The following NUDT7 variants were observed in gnomAD, a reference collection of about 807,000 sequenced individuals.
The protein encoded by NUDT7 is nudix hydrolase 7.
A neutral mutation model predicts 13.1 loss-of-function variants in NUDT7; 19 were observed. That is an observed-to-expected ratio of 1.45 (90% confidence interval 1.01 to 2.13). The LOEUF is 2.13. Ranked by LOEUF, NUDT7 falls within the 30% of genes most tolerant of loss-of-function variation. The probability of loss-of-function intolerance (pLI) is 0.00; values close to 1 mark genes in which losing one functional copy is unlikely to be tolerated. For missense variants in NUDT7, 360 were observed against 291.7 expected (o/e 1.23, Z -1.71); for synonymous variants, 132 against 109.7 (o/e 1.20, Z -1.27).
chr16:77,736,841 G>C (rs555740682), intron 3 of NUDT7: 2 of 155,842 alleles, frequency 1.3e-5, no homozygotes, highest in African/African-American at 4.8e-5. Flanking sequence ...GGTAAATATT[G>C]TATTAAGAAG....
At chr16:77,724,566 G>C (rs7192847) in intron 1 of NUDT7, among the ~76,000 whole-genome samples, 24,726 of 152,072 alleles carry the variant, frequency 0.16, 2,797 homozygotes, top group African/African-American at 0.32. Context: ...CCGCTGCACT[G>C]GGCTCGTTTC....
intron 2 of NUDT7, among the ~76,000 whole-genome samples, chr16:77,726,045 G>A (rs1412824091): frequency 3.3e-5 from 5 of 152,104 alleles, no homozygotes; most frequent in Admixed American, 3.3e-4. Flanking sequence ...CAGGATTGGG[G>A]GTGCCAAATT....
At chr16:77,722,722 G>C (rs941020342) in intron 1 of NUDT7, 105 bp downstream of exon 1, 13 of 1,078,054 alleles carry the variant, frequency 1.2e-5, no homozygotes, top group African/African-American at 1.5e-5. Flanking sequence ...TGCAGCTCCC[G>C]CCAGTCCACC....
chr16:77,722,576 C>G lies in NUDT7; in HGVS notation c.-7C>G, dbSNP rs545982146. 2 of 1,588,530 alleles carry G rather than the reference C, an allele frequency of 1.3e-6. No individual in the cohort carries two copies. The highest frequency in any genetic ancestry group is 8.6e-7 in the Non-Finnish European group (1 of 1,166,740). On this transcript the variant is annotated 5_prime_UTR_variant, in exon 1 of 4. Transcript: ENST00000268533. ...AGTCCGCCCGGAAACAAACATTCCC[C>G]AGGGCAATGTCACGACTTGGTCTTC... is the stretch of plus-strand genomic sequence containing the variant.
intron 2 of NUDT7, among the ~76,000 whole-genome samples, chr16:77,729,990 T>C (rs908966184): frequency 6.6e-6 from 1 of 151,782 alleles, no homozygotes; most frequent in Non-Finnish European, 1.5e-5. Context: ...TTACCTCACA[T>C]AGTAACATAT....
intron 2 of NUDT7, among the ~76,000 whole-genome samples, chr16:77,732,910 T>C (rs1238737245): frequency 6.6e-6 from 1 of 152,206 alleles, no homozygotes; most frequent in Non-Finnish European, 1.5e-5. Flanking sequence ...TAAAGCACTG[T>C]TTCAGAGTTG....
At chr16:77,734,245 C>T (rs1432061107) in intron 2 of NUDT7, among the ~76,000 whole-genome samples, 10 of 152,068 alleles carry the variant, frequency 6.6e-5, no homozygotes, top group Non-Finnish European at 1.3e-4. Flanking sequence ...GTTTATATTC[C>T]AGCTCACTGA....
chr16:77,724,562 C>T lies in NUDT7; in HGVS notation c.36-869C>T, dbSNP rs1284095988. On this transcript the variant is annotated intron_variant, in intron 1 of 3. Transcript: ENST00000268533. ...TTGGGATTACAGGCGTGAGCCGCTG[C>T]ACTGGGCTCGTTTCTGCTTCTTATC... 8.5e-5 allele frequency among the ~76,000 whole-genome samples: 13 copies of T among 152,304 alleles called. No individual in the cohort carries two copies. In the South Asian group the frequency reaches 1.2e-3, roughly 15 times the overall value.
At position 77,725,558 on chromosome 16, in the gene NUDT7, T is replaced by C; in HGVS notation, c.163T>C (p.Leu55=). The C allele has an allele frequency of 1.2e-6, 2 of 1,614,062 alleles. No homozygotes were observed. The highest frequency in any genetic ancestry group is 1.7e-6 in the Non-Finnish European group (2 of 1,180,004). Residue 55 remains leucine (L), a synonymous_variant, in exon 2 of 4, where the codon TTG becomes CTG. Coordinates refer to ENST00000268533, the MANE Select transcript of NUDT7 (RefSeq NM_001105663.3). ...GGTGGCTAAAGAAGGAAAACTCCAT[T>C]TGTTGTTCACCGTCCGGTCAGAGAA... ...PLVAKEGKLH[L]LFTVRSEKLR...
chr16:77,730,885 C>T (rs1481877677), intron 2 of NUDT7, among the ~76,000 whole-genome samples: 1 of 151,388 alleles, frequency 6.6e-6, no homozygotes, highest in Non-Finnish European at 1.5e-5. Context: ...TTTTCATATA[C>T]CTTTTGAGAA....
chr16:77,724,484 G>C (rs1457315946), intron 1 of NUDT7, among the ~76,000 whole-genome samples: 1 of 151,730 alleles, frequency 6.6e-6, no homozygotes, highest in African/African-American at 2.4e-5. Context: ...TGTTGACCAG[G>C]CTGGTTTCAA....
At chr16:77,729,545 T>C (rs1213049149) in intron 2 of NUDT7, among the ~76,000 whole-genome samples, 1 of 152,148 alleles carries the variant, frequency 6.6e-6, no homozygotes, top group Admixed American at 6.6e-5. Flanking sequence ...AAAAAAAATT[T>C]AGGCCAGGCA....
At position 77,737,003 on chromosome 16, in the gene NUDT7, AACCATAGGAAACTAG is replaced by A. The variant is rs1013007363; in HGVS notation, c.348+1050_348+1064del. Among the ~76,000 whole-genome samples, 87 of 152,222 alleles carry A rather than the reference AACCATAGGAAACTAG, an allele frequency of 5.7e-4. 1 individual carries two copies. Among genetic ancestry groups the A allele is most frequent in the Middle Eastern group, 6.8e-3 (2 of 294 alleles). On this transcript the variant is annotated intron_variant, in intron 3 of 3. Transcript: ENST00000268533. ...CCTAGTTTCCATATGACCACATGGA[AACCATAGGAAACTAG>A]ACCATAGGAAACTAGACCATAGGAA...
chr16:77,740,109 C>G (rs1393538126), intron 3 of NUDT7, among the ~76,000 whole-genome samples: 1 of 152,082 alleles, frequency 6.6e-6, no homozygotes, highest in South Asian at 2.1e-4. Flanking sequence ...TGTGGTGTTA[C>G]GTGCTGGTAG....
chr16:77,724,350 C>A (rs1051323067), intron 1 of NUDT7, among the ~76,000 whole-genome samples: 47 of 152,182 alleles, frequency 3.1e-4, no homozygotes, highest in Non-Finnish European at 1.0e-4. Flanking sequence ...CAGCCTTGAA[C>A]TCTGGGGCTC....
chr16:77,730,164 A>G (rs759908924), intron 2 of NUDT7, among the ~76,000 whole-genome samples: 19 of 152,184 alleles, frequency 1.2e-4, no homozygotes, highest in Non-Finnish European at 2.5e-4. Context: ...CCATTCAGCA[A>G]TTTTCAAGAA....
intron 1 of NUDT7, 40 bp downstream of exon 1, chr16:77,722,657 G>A: frequency 6.4e-7 from 1 of 1,567,014 alleles, no homozygotes; most frequent in Non-Finnish European, 8.7e-7. Context: ...AGCTTGGTCA[G>A]GCCCGGCCTT....
intron 2 of NUDT7, among the ~76,000 whole-genome samples, chr16:77,725,936 G>A (rs1308565755): frequency 2.6e-5 from 4 of 152,154 alleles, no homozygotes; most frequent in Non-Finnish European, 4.4e-5. Flanking sequence ...GATGCCAGTA[G>A]CACACACAAA....
Position 77,742,197 on chromosome 16 carries a change from A to C in NUDT7, c.*247A>C, listed in dbSNP as rs1460936780. 15 of 1,019,574 alleles carry C rather than the reference A, an allele frequency of 1.5e-5. No individual in the cohort carries two copies. The highest frequency in any genetic ancestry group is 2.8e-5 in the South Asian group (1 of 36,332). The allele number at this position is 1,019,574 out of a possible 1,614,324, so 63.2% of individuals were successfully genotyped here. A position where few individuals can be genotyped will look rare whatever the true frequency, so the allele number is the denominator to read the frequency against. On this transcript the variant is annotated 3_prime_UTR_variant, in exon 4 of 4. Transcript: ENST00000268533. ...ACAATATGTTAATAATATTTTTCTT[A>C]CACATATAATAAAGAATATCTGGCA... is the stretch of plus-strand genomic sequence containing the variant.
Sources: allele counts gnomAD v4.1 joint callset (sites outside exome capture counted in the v4.1 genomes callset), GRCh38; gene constraint gnomAD v4.1.1; transcripts MANE v1.5; gene names NCBI Gene and HGNC (gene_info 2026-07-23, HGNC 2026-07-21).